FLG: variants seen among roughly 807,000 people sequenced by gnomAD.
FLG encodes the protein epidermal filaggrin.
Under a neutral mutation model 3.8 loss-of-function variants are expected in FLG, and 6 were observed. The observed-to-expected ratio is 1.60, with a 90% CI of 0.87 to 3.15. The LOEUF is 3.15. Among genes scored for constraint, FLG ranks in the 30% most tolerant of loss-of-function variants. FLG has a pLI of 0.00. For synonymous variants in FLG, 2,551 were observed against 1,931.6 expected (o/e 1.32, Z -8.41); for missense variants, 7,595 against 5,050.9 (o/e 1.50, Z -15.27).
chr1:152,307,266 C>A lies in FLG; in HGVS notation c.7620G>T (p.Arg2540=), dbSNP rs559407188. Residue 2540 remains arginine (R), a synonymous_variant, in exon 3 of 3, where the codon CGG becomes CGT. Coordinates refer to ENST00000368799, the MANE Select transcript of FLG (RefSeq NM_002016.2). ...SGSRHHEASS[R]ADSSGHSQVG... is the part of the protein sequence containing the mutation. ...CCTGCGAGTGTCCAGAGCTGTCGGCCCGAGAGGAAGCTTCATGGTGACGCG... is the reference window on the plus strand; with the variant it reads ...CCTGCGAGTGTCCAGAGCTGTCGGCACGAGAGGAAGCTTCATGGTGACGCG... The A allele has an allele frequency of 2.1e-5, 34 of 1,607,002 alleles. No homozygotes were observed. The highest frequency in any genetic ancestry group is 6.6e-5 in the South Asian group (6 of 91,016).
At chr1:152,320,789 C>T (rs1239154505) in intron 1 of FLG, among the ~76,000 whole-genome samples, 1 of 150,922 alleles carries the variant, frequency 6.6e-6, no homozygotes, top group Non-Finnish European at 1.5e-5. Flanking sequence ...GGCCATAAAG[C>T]AAGTTTCAAT....
chr1:152,307,329 G>C lies in FLG; in HGVS notation c.7557C>G (p.Asn2519Lys), dbSNP rs113878714. Residue 2519 changes from asparagine (N) to lysine (K), a missense_variant, in exon 3 of 3, where the codon AAC (asparagine) becomes AAG (lysine). Coordinates refer to ENST00000368799, the MANE Select transcript of FLG (RefSeq NM_002016.2). ...TGGAGCCGTCTCCTGATTGTTCATC[G>C]TTACGAGTTTGTCTGCTTGCACTTC... ...GSRSASRQTR[N>K]DEQSGDGSRH... 4.3e-5 allele frequency: 69 copies of C among 1,612,872 alleles called. No individual in the cohort carries two copies. The African/African-American group carries it at 6.7e-4, about 16-fold the overall frequency.
rs756998312 is a variant in FLG at position 152,310,100 on chromosome 1, G to C, written c.4786C>G (p.Gln1596Glu). 6.2e-7 allele frequency: 1 copy of C among 1,613,696 alleles called. No homozygotes were observed. The highest frequency in any genetic ancestry group is 1.3e-5 in the African/African-American group (1 of 74,868). Residue 1596 changes from glutamine (Q) to glutamate (E), a missense_variant, in exon 3 of 3, where the codon CAG becomes GAG. Coordinates refer to ENST00000368799, the MANE Select transcript of FLG (RefSeq NM_002016.2). ...TSRRQGSSVSQDRDSEGHSED... is the reference protein window; with the variant it reads ...TSRRQGSSVSEDRDSEGHSED... ...GAGTGTCCCTCACTGTCCCTGTCCT[G>C]ACTAACACTGGATCCCTGGCGCCTG...
In FLG at chr1:152,304,574, G is replaced by A. The variant is rs368372471; in HGVS notation, c.10312C>T (p.Pro3438Ser). The change falls in exon 3 of 3, where the codon CCG (proline) becomes TCG (serine). Residue 3438 changes from proline (P) to serine (S), a missense_variant. By Grantham distance (74) the Pro-to-Ser change is moderately conservative. Transcript: ENST00000368799. The stretch of plus-strand genomic sequence containing the variant: ...TGCCTTCCTCTTCTGCTTGACCCCG[G>A]GTGTCCACGAATGGTGTCCTGACCC... ...QEGQDTIRGH[P>S]GSSRRGRQGS... is the part of the protein sequence containing the mutation. The A allele has an allele frequency of 1.2e-6, 2 of 1,609,854 alleles. No homozygotes were observed. The highest frequency in any genetic ancestry group is 1.7e-6 in the Non-Finnish European group (2 of 1,178,300).
Position 152,313,703 on chromosome 1 carries a change from A to G in FLG, c.1183T>C (p.Ser395Pro), listed in dbSNP as rs760375504. 6.2e-7 allele frequency: 1 copy of G among 1,613,844 alleles called. No individual in the cohort carries two copies. Among genetic ancestry groups the G allele is most frequent in the South Asian group, 1.1e-5 (1 of 91,056 alleles). ...CCGCGCCCAGTGGCTGAGTGTCTGG[A>G]GCTGTCTGCTGACTGCTGGTGGCCG... ...GSGHQQSADS[S>P]RHSATGRGQA... The change falls in exon 3 of 3, where the codon TCC (serine) becomes CCC (proline). Residue 395 changes from serine (S) to proline (P), a missense_variant. Coordinates refer to ENST00000368799, the MANE Select transcript of FLG (RefSeq NM_002016.2).
Position 152,311,767 on chromosome 1 carries a change from G to C in FLG, c.3119C>G (p.Ser1040Ter). The C allele has an allele frequency of 1.9e-6, 3 of 1,614,140 alleles. No individual in the cohort carries two copies. Among genetic ancestry groups the C allele is most frequent in the Non-Finnish European group, 2.5e-6 (3 of 1,180,022 alleles). ...GERHGSRHQQ[S>*]ADSSRHSGIP... ...GCCTGAGTGTCTGGAGCTGTCTGCT[G>C]ACTGCTGGTGGCGGGATCCGTGTCT... The change falls in exon 3 of 3, where the codon TCA (serine) becomes TGA (stop). Residue 1040 changes from serine (S) to a stop codon, truncating the protein, a stop_gained. Transcript: ENST00000368799. LOFTEE classifies it low-confidence loss of function (END_TRUNC).
Position 152,309,012 on chromosome 1 carries a change from C to T in FLG, c.5874G>A (p.Gly1958=), listed in dbSNP as rs777984830. ...GACCGGCTCTGTCTTCGTGATGGGA[C>T]CCAGGGTGTCTGGAGCCATCTCTTG... ...EQSRDGSRHP[G]SHHEDRAGHG... is the part of the protein sequence containing the mutation. Residue 1958 remains glycine (G), a synonymous_variant, in exon 3 of 3, where the codon GGG becomes GGA. Transcript: ENST00000368799. 6.8e-6 allele frequency: 11 copies of T among 1,614,094 alleles called. No homozygotes were observed. Among genetic ancestry groups the T allele is most frequent in the East Asian group, 2.2e-5 (1 of 44,876 alleles).
Position 152,312,068 on chromosome 1 carries a change from T to C in FLG, c.2818A>G (p.Arg940Gly), listed in dbSNP as rs1652470332. The change falls in exon 3 of 3, where the codon AGG (arginine) becomes GGG (glycine). Residue 940 changes from arginine (R) to glycine (G), a missense_variant. Physicochemically the swap from Arg to Gly is moderately radical, Grantham distance 125. Transcript: ENST00000368799. Reference sequence around the variant, plus strand: ...TGGCTAACACTGGATCCCTGGCGCCTGCTTGTCCTGGACCCCTCTGATTGT... The same window carrying C: ...TGGCTAACACTGGATCCCTGGCGCCCGCTTGTCCTGGACCCCTCTGATTGT... Reference protein sequence around the residue: ...QGQSEGSRTSRRQGSSVSQDS... With the variant: ...QGQSEGSRTSGRQGSSVSQDS... 1 of 1,614,020 alleles carries C rather than the reference T, an allele frequency of 6.2e-7. No homozygotes were observed. Among genetic ancestry groups the C allele is most frequent in the Non-Finnish European group, 8.5e-7 (1 of 1,180,026 alleles).
In FLG at chr1:152,314,267, T is replaced by C; in HGVS notation, c.619A>G (p.Lys207Glu). ...RKRLSERLEE[K>E]EDNEEGVYDY... ...TATACTCCTTCTTCATTGTCTTCTT[T>C]CTCTTCAAGTCTTTCACTTAGCCTC... The change falls in exon 3 of 3, where the codon AAA becomes GAA. Residue 207 changes from lysine to glutamate, a missense_variant. Physicochemically the swap from Lys to Glu is moderately conservative, Grantham distance 56. Coordinates refer to ENST00000368799, the MANE Select transcript of FLG (RefSeq NM_002016.2). The C allele has an allele frequency of 6.2e-7, 1 of 1,613,756 alleles. No homozygotes were observed. Among genetic ancestry groups the C allele is most frequent in the East Asian group, 2.2e-5 (1 of 44,868 alleles).
In FLG at chr1:152,314,379, T is replaced by G; in HGVS notation, c.507A>C (p.Arg169Ser). The G allele has an allele frequency of 6.2e-7, 1 of 1,613,154 alleles. No individual in the cohort carries two copies. Among genetic ancestry groups the G allele is most frequent in the Non-Finnish European group, 8.5e-7 (1 of 1,179,750 alleles). ...KERKGYSPTH[R>S]EEEYGKNHHN... ...GATGGTTTTTTCCATATTCTTCTTCTCTATGAGTAGGTGAATATCCTTTTC... is the reference window on the plus strand; with the variant it reads ...GATGGTTTTTTCCATATTCTTCTTCGCTATGAGTAGGTGAATATCCTTTTC... The change falls in exon 3 of 3, where the codon AGA becomes AGC. Residue 169 changes from arginine (R) to serine (S), a missense_variant. Coordinates refer to ENST00000368799, the MANE Select transcript of FLG (RefSeq NM_002016.2).
rs1651885124 is a variant in FLG, at chr1:152,305,357, G to C, written c.9529C>G (p.His3177Asp). 2 of 1,608,530 alleles carry C rather than the reference G, an allele frequency of 1.2e-6. No individual in the cohort carries two copies. Among genetic ancestry groups the C allele is most frequent in the Non-Finnish European group, 8.5e-7 (1 of 1,179,000 alleles). The change falls in exon 3 of 3, where the codon CAC becomes GAC. Residue 3177 changes from histidine (H) to aspartate (D), a missense_variant. Coordinates refer to ENST00000368799, the MANE Select transcript of FLG (RefSeq NM_002016.2). Reference sequence around the variant, plus strand: ...GCTTCATGGTGACGTGACACTGAGTGCCTGGAGCTGTCTCCTGATTGTTCC... The same window carrying C: ...GCTTCATGGTGACGTGACACTGAGTCCCTGGAGCTGTCTCCTGATTGTTCC... ...NEEQSGDSSR[H>D]SVSRHHEAST...
chr1:152,312,312 C>T lies in FLG; in HGVS notation c.2574G>A (p.Glu858=). Residue 858 remains glutamate (E), a synonymous_variant, in exon 3 of 3, where the codon GAG becomes GAA. Coordinates refer to ENST00000368799, the MANE Select transcript of FLG (RefSeq NM_002016.2). ...AGTGTCCAGACCTATCTACCGATTG[C>T]TCGTGGTGGGACCCCTGCCTTCCTC... ...SRRGRQGSHH[E]QSVDRSGHSG... 6.2e-7 allele frequency: 1 copy of T among 1,613,518 alleles called. No homozygotes were observed. Among genetic ancestry groups the T allele is most frequent in the Non-Finnish European group, 8.5e-7 (1 of 1,179,872 alleles).
At chr1:152,318,193 G>A (rs949712428) in intron 1 of FLG, among the ~76,000 whole-genome samples, 1 of 151,874 alleles carries the variant, frequency 6.6e-6, no homozygotes, top group Admixed American at 6.6e-5. Context: ...TCTTGGAGAA[G>A]TTTTCTCTGC....
Position 152,310,338 on chromosome 1 carries a change from C to T in FLG, c.4548G>A (p.Gly1516=), listed in dbSNP as rs201782279. 3 of 1,613,832 alleles carry T rather than the reference C, an allele frequency of 1.9e-6. No individual in the cohort carries two copies. The highest frequency in any genetic ancestry group is 2.5e-6 in the Non-Finnish European group (3 of 1,179,978). The change falls in exon 3 of 3, where the codon GGG becomes GGA. Residue 1516 remains glycine, a synonymous_variant. Coordinates refer to ENST00000368799, the MANE Select transcript of FLG (RefSeq NM_002016.2). ...GGGGTGTGGTGTGGCTGTGATGGTA[C>T]CCTGAGTGTCCAGACCTATCTACTG... ...EQSVDRSGHS[G]YHHSHTTPQG... is the part of the protein sequence containing the mutation.
At chr1:152,324,209 G>A (rs1175151477) in intron 1 of FLG, among the ~76,000 whole-genome samples, 3 of 151,678 alleles carry the variant, frequency 2.0e-5, no homozygotes, top group Admixed American at 6.6e-5. Flanking sequence ...TGTTTTCCAC[G>A]TAGCAGCCCA....
At chr1:152,324,563 C>T (rs1486860884) in intron 1 of FLG, among the ~76,000 whole-genome samples, 2 of 151,886 alleles carry the variant, frequency 1.3e-5, no homozygotes, top group Non-Finnish European at 2.9e-5. Flanking sequence ...TTCCTCCTCC[C>T]TCCCATCACT....
Position 152,311,148 on chromosome 1 carries a change from G to T in FLG, c.3738C>A (p.Ser1246Arg), listed in dbSNP as rs1652390520. The change falls in exon 3 of 3, where the codon AGC (serine) becomes AGA (arginine). Residue 1246 changes from serine (S) to arginine (R), a missense_variant. Transcript: ENST00000368799. ...RHHEAASWAD[S>R]SRHSQVGQEQ... ...CCTGTCCCACCTGTGAGTGTCTAGAGCTGTCAGCCCAAGAGGCAGCTTCAT... is the reference window on the plus strand; with the variant it reads ...CCTGTCCCACCTGTGAGTGTCTAGATCTGTCAGCCCAAGAGGCAGCTTCAT... 6.2e-7 allele frequency: 1 copy of T among 1,613,864 alleles called. No homozygotes were observed. Among genetic ancestry groups the T allele is most frequent in the African/African-American group, 1.3e-5 (1 of 74,954 alleles).
rs1196426751 is a variant in FLG, at chr1:152,308,436, CT to C, written c.6449del (p.Gln2150ArgfsTer9). The C allele has an allele frequency of 1.2e-5, 20 of 1,613,748 alleles. No individual in the cohort carries two copies. The highest frequency in any genetic ancestry group is 1.4e-5 in the Non-Finnish European group (17 of 1,179,902). On this transcript the variant is annotated frameshift_variant, in exon 3 of 3. Coordinates refer to ENST00000368799, the MANE Select transcript of FLG (RefSeq NM_002016.2). LOFTEE classifies it low-confidence loss of function (END_TRUNC). ...CTACCGATTGCTCTTGGTGGGACCC[CT>C]GTCTTCCTCCTCTGCTTGGCCCCGG... Reference protein sequence around the residue: ...GHPGPSRGGRQGSHQEQSVDR... With the variant: ...GHPGPSRGGRXGSHQEQSVDR...
In FLG at chr1:152,312,403, T is replaced by G. The variant is rs761099412; in HGVS notation, c.2483A>C (p.Asn828Thr). 6.2e-7 allele frequency: 1 copy of G among 1,612,336 alleles called. No individual in the cohort carries two copies. The highest frequency in any genetic ancestry group is 1.7e-5 in the Admixed American group (1 of 59,804). ...QGSHHEQARDNSRHSASQDGQ... is the reference protein window; with the variant it reads ...QGSHHEQARDTSRHSASQDGQ... ...ATCTTGGGATGCTGAGTGCCTGGAGTTGTCTCGTGCCTGCTCATGGTGGGA... is the reference window on the plus strand; with the variant it reads ...ATCTTGGGATGCTGAGTGCCTGGAGGTGTCTCGTGCCTGCTCATGGTGGGA... Residue 828 changes from asparagine to threonine, a missense_variant, in exon 3 of 3, where the codon AAC becomes ACC. Asn to Thr is a moderately conservative substitution (Grantham distance 65). Transcript: ENST00000368799.
Sources: allele counts gnomAD v4.1 joint callset (sites outside exome capture counted in the v4.1 genomes callset), GRCh38; gene constraint gnomAD v4.1.1; transcripts MANE v1.5; gene names NCBI Gene and HGNC (gene_info 2026-07-23, HGNC 2026-07-21).